MTHFD1L: variants seen among roughly 807,000 people sequenced by gnomAD.
MTHFD1L encodes monofunctional C1-tetrahydrofolate synthase, mitochondrial.
A neutral mutation model predicts 119.5 loss-of-function variants in MTHFD1L; 81 were observed. That is an observed-to-expected ratio of 0.68 (90% CI 0.57 to 0.82). The LOEUF is 0.82. Among genes scored for constraint, MTHFD1L ranks in the 40% least tolerant of loss-of-function variants. The probability of loss-of-function intolerance (pLI) is 0.00; values close to 1 mark genes in which losing one functional copy is unlikely to be tolerated. For synonymous variants in MTHFD1L, 430 were observed against 475.2 expected (o/e 0.90, Z 1.24); for missense variants, 1,125 against 1,253.4 (o/e 0.90, Z 1.55).
chr6:150,897,470 A>G (rs1784427223), intron 7 of MTHFD1L, among the ~76,000 whole-genome samples: 1 of 152,210 alleles, frequency 6.6e-6, no homozygotes, highest in Non-Finnish European at 1.5e-5. Context: ...ACTGCAGTAG[A>G]ATCATATTGA....
chr6:151,044,246 T>C (rs1787590447), intron 26 of MTHFD1L, among the ~76,000 whole-genome samples: 1 of 151,604 alleles, frequency 6.6e-6, no homozygotes, highest in Non-Finnish European at 1.5e-5. Context: ...CTTTGGCCCC[T>C]CTGCCCTTTC....
At chr6:151,093,875 A>G (rs1794669062) in intron 27 of MTHFD1L, among the ~76,000 whole-genome samples, 1 of 152,136 alleles carries the variant, frequency 6.6e-6, no homozygotes, top group South Asian at 2.1e-4. Context: ...CCACTTGATG[A>G]CTTCGGGTTT....
chr6:150,940,021 G>C (rs1182562823), intron 13 of MTHFD1L, among the ~76,000 whole-genome samples: 1 of 152,050 alleles, frequency 6.6e-6, no homozygotes, highest in African/African-American at 2.4e-5. Flanking sequence ...TTGGTTCCAG[G>C]ATTTTCCCAT....
chr6:151,071,837 A>ATTTTTT (rs753092094), intron 26 of MTHFD1L, among the ~76,000 whole-genome samples: 91 of 107,446 alleles, frequency 8.5e-4, no homozygotes, highest in Middle Eastern at 6.3e-3. Context: ...GTAAGTACAG[A>ATTTTTT]TTTTTTTTTT....
chr6:150,888,007 T>C, intron 7 of MTHFD1L, 26 bp downstream of exon 7: 1 of 1,580,128 alleles, frequency 6.3e-7, no homozygotes, highest in South Asian at 1.2e-5. Flanking sequence ...GAAACATACA[T>C]CTTGAAGGCT....
At chr6:151,088,586 A>G (rs1794056907) in intron 26 of MTHFD1L, among the ~76,000 whole-genome samples, 2 of 150,260 alleles carry the variant, frequency 1.3e-5, no homozygotes, top group Non-Finnish European at 3.0e-5. Context: ...CCTCCCAAGT[A>G]GCTAAAACGA....
chr6:150,961,972 C>T (rs9478873), intron 18 of MTHFD1L, among the ~76,000 whole-genome samples: 71,632 of 151,950 alleles, frequency 0.47, 17,834 homozygotes, highest in South Asian at 0.59. Context: ...TTCCTTAAAT[C>T]TATTTATTTA....
intron 20 of MTHFD1L, among the ~76,000 whole-genome samples, chr6:150,986,371 A>T (rs1778300179): frequency 6.6e-6 from 1 of 152,186 alleles, no homozygotes; most frequent in Non-Finnish European, 1.5e-5. Context: ...TTAAATTCCA[A>T]CTGTCATGGG....
chr6:150,996,969 G>C (rs1366915164), intron 20 of MTHFD1L, among the ~76,000 whole-genome samples: 1 of 152,170 alleles, frequency 6.6e-6, no homozygotes, highest in Non-Finnish European at 1.5e-5. Context: ...GGGCCACTGA[G>C]AGGGTAGAAC....
chr6:150,952,606 C>T (rs532607136), intron 16 of MTHFD1L, among the ~76,000 whole-genome samples: 92 of 152,230 alleles, frequency 6.0e-4, no homozygotes, highest in African/African-American at 2.1e-3. Context: ...CTCGGCTCAC[C>T]GCAACCTCCA....
rs1233674190 is a variant in MTHFD1L at position 151,092,494 on chromosome 6, C to G, written c.2875C>G (p.Arg959Gly). 1 of 1,614,110 alleles carries G rather than the reference C, an allele frequency of 6.2e-7. No homozygotes were observed. The highest frequency in any genetic ancestry group is 8.5e-7 in the Non-Finnish European group (1 of 1,180,024). ...GAGCACCATGCCAGGACTGCCCACC[C>G]GGCCCTGCTTTTATGACATAGATCT... ...TMSTMPGLPT[R>G]PCFYDIDLDT... Residue 959 changes from arginine (R) to glycine (G), a missense_variant, in exon 27 of 28, where the codon CGG becomes GGG. Coordinates refer to ENST00000367321, the MANE Select transcript of MTHFD1L (RefSeq NM_015440.5).
chr6:150,979,841 A>C (rs1741781345), intron 20 of MTHFD1L, among the ~76,000 whole-genome samples: 1 of 151,876 alleles, frequency 6.6e-6, no homozygotes, highest in African/African-American at 2.4e-5. Context: ...CCTTCAGAGG[A>C]CTCTGCTGGT....
chr6:150,995,121 G>T (rs954602279), intron 20 of MTHFD1L, among the ~76,000 whole-genome samples: 2 of 151,956 alleles, frequency 1.3e-5, no homozygotes, highest in African/African-American at 4.8e-5. Flanking sequence ...ATACCAGATG[G>T]CAATTATAAC....
At chr6:150,921,207 C>T (rs1482898547) in intron 9 of MTHFD1L, among the ~76,000 whole-genome samples, 2 of 151,604 alleles carry the variant, frequency 1.3e-5, no homozygotes, top group African/African-American at 2.4e-5. Context: ...GCAACCTCCA[C>T]CTCCCGGGTT....
chr6:151,094,159 A>G (rs1253774438), intron 27 of MTHFD1L, among the ~76,000 whole-genome samples: 2 of 152,168 alleles, frequency 1.3e-5, no homozygotes, highest in African/African-American at 4.8e-5. Flanking sequence ...TTTCCCCGCA[A>G]GCACCCCGCC....
intron 26 of MTHFD1L, among the ~76,000 whole-genome samples, chr6:151,056,554 G>A (rs1439250461): frequency 6.6e-6 from 1 of 152,180 alleles, no homozygotes; most frequent in Non-Finnish European, 1.5e-5. Context: ...GAACCTCTTA[G>A]AGCTGTGCAT....
chr6:151,015,128 G>T, intron 23 of MTHFD1L, 148 bp downstream of exon 23: 1 of 632,062 alleles, frequency 1.6e-6, no homozygotes, highest in South Asian at 2.7e-5. Context: ...ATTTGGTTTG[G>T]TTTCATTTTA....
intron 24 of MTHFD1L, among the ~76,000 whole-genome samples, chr6:151,024,065 C>T (rs934633330): frequency 2.0e-5 from 3 of 151,908 alleles, no homozygotes; most frequent in South Asian, 2.1e-4. Context: ...TCAAACAGCA[C>T]AGGCTTCCAG....
intron 26 of MTHFD1L, among the ~76,000 whole-genome samples, chr6:151,063,784 G>A (rs77055350): frequency 0.019 from 2,853 of 152,144 alleles, 80 homozygotes; most frequent in South Asian, 0.1. Context: ...TGTCAAGAAT[G>A]GGATAGGAAG....
Sources: allele counts gnomAD v4.1 joint callset (sites outside exome capture counted in the v4.1 genomes callset), GRCh38; gene constraint gnomAD v4.1.1; transcripts MANE v1.5; gene names NCBI Gene and HGNC (gene_info 2026-07-23, HGNC 2026-07-21).